The following DNM3 variants were observed in gnomAD, a reference collection of about 807,000 sequenced individuals.
DNM3 encodes dynamin-3.
A neutral mutation model predicts 101.6 loss-of-function variants in DNM3; 47 were observed. That is an observed-to-expected ratio of 0.46 (90% CI 0.37 to 0.59). The LOEUF (loss-of-function observed/expected upper bound fraction) is 0.59. DNM3 is among the 20% of genes least tolerant of loss of function. The pLI is 0.00. For missense variants in DNM3, 849 were observed against 1,085.7 expected (o/e 0.78, Z 3.06); for synonymous variants, 385 against 387.9 (o/e 0.99, Z 0.09).
intron 10 of DNM3, among the ~76,000 whole-genome samples, chr1:172,055,753 C>A (rs2050552410): frequency 6.6e-6 from 1 of 152,182 alleles, no homozygotes; most frequent in Non-Finnish European, 1.5e-5. Flanking sequence ...TTCAAAGCAT[C>A]ATACTATTTA....
chr1:172,024,916 A>T (rs1045676184), intron 4 of DNM3, among the ~76,000 whole-genome samples: 2 of 152,084 alleles, frequency 1.3e-5, no homozygotes, highest in African/African-American at 2.4e-5. Context: ...GTTTTTTTTC[A>T]TACCCCAGTG....
chr1:172,010,103 A>G (rs2047010617), intron 4 of DNM3, among the ~76,000 whole-genome samples: 3 of 151,846 alleles, frequency 2.0e-5, no homozygotes, highest in Non-Finnish European at 4.4e-5. Flanking sequence ...TTAAGTCTGA[A>G]GTTGTGCAAT....
intron 13 of DNM3, among the ~76,000 whole-genome samples, chr1:172,100,608 C>G (rs1268977084): frequency 6.6e-6 from 1 of 152,192 alleles, no homozygotes; most frequent in Non-Finnish European, 1.5e-5. Context: ...CAAGTCTTAC[C>G]TGACTTCCTG....
intron 1 of DNM3, among the ~76,000 whole-genome samples, chr1:171,873,016 G>A (rs1299769127): frequency 3.9e-5 from 6 of 152,168 alleles, no homozygotes; most frequent in Non-Finnish European, 7.4e-5. Context: ...TCTGAGTCTT[G>A]TGTTTGATTA....
rs1453095185 is a variant in DNM3 at position 172,029,850 on chromosome 1, G to A, written c.590-2552G>A. Among the ~76,000 whole-genome samples the A allele has an allele frequency of 5.3e-5, 8 of 152,184 alleles. No homozygotes were observed. The East Asian group carries it at 1.4e-3, about 26-fold the overall frequency. On this transcript the variant is annotated intron_variant, in intron 4 of 20. Transcript: ENST00000627582. ...AATACCTAGGAATCCAACTTACAAG[G>A]CATGTGAAGGACCTCTTCAAGGAGA... is the stretch of plus-strand genomic sequence containing the variant.
At chr1:172,112,990 A>G (rs950474312) in intron 13 of DNM3, among the ~76,000 whole-genome samples, 20 of 152,294 alleles carry the variant, frequency 1.3e-4, no homozygotes, top group Middle Eastern at 3.4e-3. Flanking sequence ...AGTAGTTCTC[A>G]TGGCTCCTCT....
rs149670668 is a variant in DNM3, at chr1:171,901,969, G to T, written c.162-19779G>T. Among the ~76,000 whole-genome samples the T allele has an allele frequency of 9.2e-5, 14 of 152,232 alleles. 1 individual carries two copies. In the East Asian group the frequency reaches 2.7e-3, roughly 29 times the overall value. On this transcript the variant is annotated intron_variant, in intron 1 of 20. Coordinates refer to ENST00000627582, the MANE Select transcript of DNM3 (RefSeq NM_015569.5). The stretch of plus-strand genomic sequence containing the variant: ...AGGTACAGAAAACCTGGTTATAGAT[G>T]AAAAGAATGCCCAGGAAGCTATATT...
At chr1:172,029,206 C>T (rs1019687212) in intron 4 of DNM3, among the ~76,000 whole-genome samples, 3 of 152,196 alleles carry the variant, frequency 2.0e-5, no homozygotes, top group African/African-American at 7.2e-5. Flanking sequence ...AACAGCTTAT[C>T]CACCACAATT....
At chr1:172,121,255 G>A (rs1215898277) in intron 13 of DNM3, among the ~76,000 whole-genome samples, 2 of 152,260 alleles carry the variant, frequency 1.3e-5, no homozygotes, top group East Asian at 3.9e-4. Context: ...ATGGTTAATG[G>A]CCTGGATCTT....
intron 14 of DNM3, among the ~76,000 whole-genome samples, chr1:172,145,354 T>C (rs2057830258): frequency 7.0e-6 from 1 of 143,072 alleles, no homozygotes; most frequent in African/African-American, 2.6e-5. Context: ...CTCCCCCTCT[T>C]CCCCTCTCCC....
rs540082621 is a variant in DNM3 at position 172,319,470 on chromosome 1, G to A, written c.1882-3859G>A. ...ACAGGCAAAATGGGAGAAAATTTTT[G>A]CAACCTTCTCATCTGACAAAGGGCT... On this transcript the variant is annotated intron_variant, in intron 16 of 20. Transcript: ENST00000627582. Among the ~76,000 whole-genome samples, 5 of 152,258 alleles carry A rather than the reference G, an allele frequency of 3.3e-5. No homozygotes were observed. In the South Asian group the frequency reaches 1.0e-3, roughly 32 times the overall value.
chr1:172,109,130 A>T (rs990569243), intron 13 of DNM3, among the ~76,000 whole-genome samples: 3 of 152,248 alleles, frequency 2.0e-5, no homozygotes, highest in Non-Finnish European at 2.9e-5. Context: ...AAGTACGATT[A>T]TAACAAAAAC....
At chr1:171,934,224 C>T (rs1363540392) in intron 2 of DNM3, among the ~76,000 whole-genome samples, 2 of 152,146 alleles carry the variant, frequency 1.3e-5, no homozygotes, top group Non-Finnish European at 2.9e-5. Context: ...GTGTAATTTT[C>T]TTGAGTGCCA....
intron 9 of DNM3, among the ~76,000 whole-genome samples, chr1:172,047,114 A>AT (rs551423494): frequency 2.0e-5 from 3 of 151,460 alleles, no homozygotes; most frequent in Non-Finnish European, 4.4e-5. Flanking sequence ...TGGTTTGACA[A>AT]TTTTTTTTTC....
intron 18 of DNM3, chr1:172,386,797 T>C (rs1026838198): frequency 2.5e-5 from 6 of 241,028 alleles, no homozygotes. Context: ...GTACCTTCCC[T>C]CTTCTATAAG....
intron 6 of DNM3, among the ~76,000 whole-genome samples, chr1:172,034,085 C>T (rs16843714): frequency 0.014 from 2,177 of 152,190 alleles, 48 homozygotes; most frequent in African/African-American, 0.048. Context: ...ATTCTTAGCT[C>T]CTGGAAAGTA....
At chr1:172,296,973 T>C (rs1413272873) in intron 15 of DNM3, among the ~76,000 whole-genome samples, 1 of 152,074 alleles carries the variant, frequency 6.6e-6, no homozygotes, top group Admixed American at 6.6e-5. Context: ...TGAAATCCCA[T>C]CTAGACTAAA....
intron 15 of DNM3, among the ~76,000 whole-genome samples, chr1:172,298,702 C>T (rs2064281509): frequency 6.6e-6 from 1 of 152,032 alleles, no homozygotes; most frequent in Admixed American, 6.6e-5. Flanking sequence ...TTCCCGGAAT[C>T]CCCAGGGGAT....
At chr1:171,845,895 T>C (rs191037149) in intron 1 of DNM3, among the ~76,000 whole-genome samples, 1 of 152,258 alleles carries the variant, frequency 6.6e-6, no homozygotes, top group Admixed American at 6.5e-5. Context: ...GGCAGAAGAG[T>C]CCACATTATT....
Sources: allele counts gnomAD v4.1 joint callset (sites outside exome capture counted in the v4.1 genomes callset), GRCh38; gene constraint gnomAD v4.1.1; transcripts MANE v1.5; gene names NCBI Gene and HGNC (gene_info 2026-07-23, HGNC 2026-07-21).